The following CEP112 variants were observed in gnomAD, a reference collection of about 807,000 sequenced individuals.
CEP112 encodes the protein centrosomal protein of 112 kDa.
CEP112 carries 127 observed loss-of-function variants against 153.0 expected under a neutral mutation model. That is an observed-to-expected ratio of 0.83 (90% CI 0.72 to 0.96). CEP112 has a LOEUF of 0.96. Among genes scored for constraint, CEP112 ranks in the 40% least tolerant of loss-of-function variants. The probability of loss-of-function intolerance (pLI) is 0.00; values close to 1 mark genes in which losing one functional copy is unlikely to be tolerated. For missense variants in CEP112, 1,089 were observed against 1,101.2 expected, an observed-to-expected ratio of 0.99 and a Z score of 0.16; for synonymous variants, 358 against 374.4, an observed-to-expected ratio of 0.96 and a Z score of 0.51.
chr17:65,726,918 G>A (rs902665328), intron 23 of CEP112, among the ~76,000 whole-genome samples: 1 of 152,150 alleles, frequency 6.6e-6, no homozygotes, highest in African/African-American at 2.4e-5. Context: ...GTGTGGATGT[G>A]TCATAATTTG....
At chr17:65,890,493 A>G (rs2059424711) in intron 20 of CEP112, among the ~76,000 whole-genome samples, 1 of 152,094 alleles carries the variant, frequency 6.6e-6, no homozygotes, top group Non-Finnish European at 1.5e-5. Flanking sequence ...ACATCCCATA[A>G]CTTCCATCTC....
Position 65,689,055 on chromosome 17 carries a change from A to G in CEP112, c.2697+74T>C, listed in dbSNP as rs1029569068. 2.1e-5 allele frequency: 23 copies of G among 1,078,010 alleles called. No individual in the cohort carries two copies. The African/African-American group carries it at 3.0e-4, about 14-fold the overall frequency. The allele number at this position is 1,078,010 out of a possible 1,614,324, so 66.8% of individuals were successfully genotyped here. The stretch of plus-strand genomic sequence containing the variant: ...AGTGCTGAGATTACAGGTGTGAGCC[A>G]CTGCACCTGGCTGCACACACTTCTT... On this transcript the variant is annotated intron_variant, in intron 24 of 26. Transcript: ENST00000535342.
chr17:65,636,568 G>T, intron 26 of CEP112: 1 of 155,218 alleles, frequency 6.4e-6, no homozygotes, highest in Non-Finnish European at 1.4e-5. Flanking sequence ...GACCTGCCAT[G>T]CCCCTGCAGA....
At chr17:65,747,634 C>T (rs1035786133) in intron 22 of CEP112, among the ~76,000 whole-genome samples, 10 of 152,218 alleles carry the variant, frequency 6.6e-5, no homozygotes, top group African/African-American at 1.4e-4. Flanking sequence ...GTGTATGCAT[C>T]GTCTCCATTC....
chr17:65,640,084 C>T (rs11651678), intron 25 of CEP112, among the ~76,000 whole-genome samples: 20,415 of 146,568 alleles, frequency 0.14, 1,921 homozygotes, highest in East Asian at 0.48. Flanking sequence ...GTGATCTGCC[C>T]GCTGTGGCCT....
chr17:65,981,810 A>G (rs540160154), intron 17 of CEP112, among the ~76,000 whole-genome samples: 2 of 152,290 alleles, frequency 1.3e-5, no homozygotes, highest in African/African-American at 4.8e-5. Context: ...CCTGACCTCA[A>G]GTGATCCATC....
chr17:65,824,709 C>T (rs1024206319), intron 21 of CEP112, among the ~76,000 whole-genome samples: 2 of 152,064 alleles, frequency 1.3e-5, no homozygotes, highest in African/African-American at 4.8e-5. Context: ...TTGTTTACAG[C>T]CTATTTATGG....
chr17:65,884,331 A>G (rs930332087), intron 20 of CEP112, among the ~76,000 whole-genome samples: 2 of 152,204 alleles, frequency 1.3e-5, no homozygotes, highest in African/African-American at 4.8e-5. Flanking sequence ...ATATCTAGCT[A>G]CCTGGTGAAA....
chr17:66,026,646 C>T (rs974684763), intron 16 of CEP112, among the ~76,000 whole-genome samples: 1 of 152,154 alleles, frequency 6.6e-6, no homozygotes, highest in African/African-American at 2.4e-5. Context: ...GCCAGGGCCC[C>T]TTTAGGATAC....
intron 8 of CEP112, among the ~76,000 whole-genome samples, chr17:66,074,860 T>TAAAA (rs34251281): frequency 5.2e-5 from 5 of 95,698 alleles, no homozygotes; most frequent in African/African-American, 2.1e-4. Flanking sequence ...AGGCTCTGTC[T>TAAAA]AAAAAAAAAA....
At chr17:65,924,641 C>T (rs2060856072) in intron 19 of CEP112, among the ~76,000 whole-genome samples, 2 of 152,160 alleles carry the variant, frequency 1.3e-5, no homozygotes, top group South Asian at 4.1e-4. Flanking sequence ...TAAAACATGT[C>T]TGTGCTCCTT....
chr17:65,940,791 C>G (rs2061482447), intron 18 of CEP112, among the ~76,000 whole-genome samples: 1 of 152,072 alleles, frequency 6.6e-6, no homozygotes, highest in African/African-American at 2.4e-5. Flanking sequence ...TTCACTTAGA[C>G]AAGAAGAATA....
intron 21 of CEP112, among the ~76,000 whole-genome samples, chr17:65,845,614 T>C (rs1448285884): frequency 6.6e-6 from 1 of 152,234 alleles, no homozygotes; most frequent in Non-Finnish European, 1.5e-5. Flanking sequence ...AGGAAGGTTA[T>C]TTTTAAAATA....
chr17:66,013,233 G>T (rs1169678628), intron 16 of CEP112, among the ~76,000 whole-genome samples: 2 of 152,202 alleles, frequency 1.3e-5, no homozygotes, highest in Admixed American at 6.5e-5. Context: ...ATTTCAGCCT[G>T]GTTAAGAACC....
intron 24 of CEP112, among the ~76,000 whole-genome samples, chr17:65,646,692 A>G (rs2045448913): frequency 6.6e-6 from 1 of 152,274 alleles, no homozygotes; most frequent in East Asian, 1.9e-4. Context: ...AGTTTCTCAA[A>G]TAATCCTTCT....
At chr17:65,734,276 T>C (rs893796647) in intron 23 of CEP112, among the ~76,000 whole-genome samples, 1 of 152,184 alleles carries the variant, frequency 6.6e-6, no homozygotes, top group African/African-American at 2.4e-5. Context: ...GCATTTCCCA[T>C]GGGGCATGGG....
chr17:65,999,616 T>G (rs560317394), intron 17 of CEP112, among the ~76,000 whole-genome samples: 2 of 151,642 alleles, frequency 1.3e-5, no homozygotes, highest in African/African-American at 2.4e-5. Flanking sequence ...AGATTTGTTA[T>G]ATAGGTGAAC....
chr17:65,660,740 G>A (rs1223294930), intron 24 of CEP112, among the ~76,000 whole-genome samples: 2 of 151,686 alleles, frequency 1.3e-5, no homozygotes, highest in Admixed American at 1.3e-4. Flanking sequence ...TAGAAACAAG[G>A]TTTTTGCCAT....
intron 4 of CEP112, among the ~76,000 whole-genome samples, chr17:66,150,102 C>T (rs2071133318): frequency 1.4e-5 from 2 of 147,498 alleles, no homozygotes; most frequent in African/African-American, 5.0e-5. Flanking sequence ...AGGTTTCACC[C>T]GGTTAGCCAG....
Sources: allele counts gnomAD v4.1 joint callset (sites outside exome capture counted in the v4.1 genomes callset), GRCh38; gene constraint gnomAD v4.1.1; transcripts MANE v1.5; gene names NCBI Gene and HGNC (gene_info 2026-07-23, HGNC 2026-07-21).